The following STK32B variants were observed in gnomAD, a reference collection of about 807,000 sequenced individuals.
STK32B encodes serine/threonine-protein kinase 32B.
STK32B carries 43 observed loss-of-function variants against 52.6 expected under a neutral mutation model. The observed-to-expected ratio is 0.82, with a 90% CI of 0.64 to 1.05. The LOEUF is 1.05. Among genes scored for constraint, STK32B ranks in the 50% least tolerant of loss-of-function variants. STK32B has a pLI of 0.00. For missense variants in STK32B, 621 were observed against 534.6 expected (o/e 1.16, Z -1.59); for synonymous variants, 238 against 204.3 (o/e 1.17, Z -1.41).
chr4:5,444,846 T>G (rs1243258944), intron 6 of STK32B, among the ~76,000 whole-genome samples: 1 of 152,170 alleles, frequency 6.6e-6, no homozygotes. Context: ...CACTAACAGG[T>G]AACTCCAGCA....
At chr4:5,413,814 C>T (rs1227174994) in intron 5 of STK32B, among the ~76,000 whole-genome samples, 1 of 152,202 alleles carries the variant, frequency 6.6e-6, no homozygotes, top group Non-Finnish European at 1.5e-5. Flanking sequence ...TAACATTTCT[C>T]ACCATATAAC....
At chr4:5,070,532 C>G (rs1030315385) in intron 1 of STK32B, among the ~76,000 whole-genome samples, 1 of 149,774 alleles carries the variant, frequency 6.7e-6, no homozygotes, top group African/African-American at 2.4e-5. Context: ...CAAAATAAGA[C>G]GTGTAGAAGC....
At chr4:5,348,948 T>G (rs1217986232) in intron 4 of STK32B, among the ~76,000 whole-genome samples, 2 of 152,150 alleles carry the variant, frequency 1.3e-5, no homozygotes, top group African/African-American at 4.8e-5. Flanking sequence ...TCACAGCAGG[T>G]ACCCACCCAC....
intron 11 of STK32B, among the ~76,000 whole-genome samples, chr4:5,488,648 C>G (rs1719427796): frequency 6.6e-6 from 1 of 152,254 alleles, no homozygotes; most frequent in East Asian, 1.9e-4. Flanking sequence ...CTGCCTCCTC[C>G]TTAAATAACT....
At chr4:5,190,536 T>C (rs576599588) in intron 3 of STK32B, among the ~76,000 whole-genome samples, 2 of 152,296 alleles carry the variant, frequency 1.3e-5, no homozygotes, top group African/African-American at 4.8e-5. Context: ...AAGCACCTAC[T>C]ATGTACTGGG....
chr4:5,216,414 A>G (rs1723188220), intron 3 of STK32B, among the ~76,000 whole-genome samples: 1 of 152,208 alleles, frequency 6.6e-6, no homozygotes, highest in African/African-American at 2.4e-5. Flanking sequence ...ACATACAAGC[A>G]AAGAAGTGAA....
At chr4:5,324,576 C>G (rs980429224) in intron 3 of STK32B, among the ~76,000 whole-genome samples, 1 of 152,136 alleles carries the variant, frequency 6.6e-6, no homozygotes, top group Non-Finnish European at 1.5e-5. Flanking sequence ...TGGAGGCCGT[C>G]CTGTGCATTG....
intron 3 of STK32B, among the ~76,000 whole-genome samples, chr4:5,250,124 A>G (rs1241115655): frequency 6.6e-6 from 1 of 152,122 alleles, no homozygotes; most frequent in Non-Finnish European, 1.5e-5. Flanking sequence ...TCCATGGTGT[A>G]TATGTGCCAT....
chr4:5,294,797 T>G (rs1323670277), intron 3 of STK32B, among the ~76,000 whole-genome samples: 2 of 152,184 alleles, frequency 1.3e-5, no homozygotes, highest in African/African-American at 2.4e-5. Flanking sequence ...TGGCCAGAAC[T>G]TTTAATGCTG....
Position 5,296,803 on chromosome 4 carries a change from A to C in STK32B, c.261-34417A>C, listed in dbSNP as rs546607665. Among the ~76,000 whole-genome samples, 3 of 152,214 alleles carry C rather than the reference A, an allele frequency of 2.0e-5. No individual in the cohort carries two copies. The East Asian group carries it at 5.8e-4, about 29-fold the overall frequency. On this transcript the variant is annotated intron_variant, in intron 3 of 11. Transcript: ENST00000282908. Reference sequence around the variant, plus strand: ...TGTTACGTGTGAATTTGATCCTGTCATTATGATGCTAGCTGGTTATTTTGC... The same window carrying C: ...TGTTACGTGTGAATTTGATCCTGTCCTTATGATGCTAGCTGGTTATTTTGC...
At position 5,380,609 on chromosome 4, in the gene STK32B, G is replaced by A. The variant is rs766155307; in HGVS notation, c.435-17598G>A. ...AGCTGGGACTGAGTACCCATGACAC[G>A]CAGATGCCTTTACCAGGGTGGCTGG... On this transcript the variant is annotated intron_variant, in intron 4 of 11. Coordinates refer to ENST00000282908, the MANE Select transcript of STK32B (RefSeq NM_018401.3). The surrounding 1 kb of genome is among the most constrained non-coding windows in gnomAD (Gnocchi z 4.3). Among the ~76,000 whole-genome samples, 4 of 152,172 alleles carry A rather than the reference G, an allele frequency of 2.6e-5. No homozygotes were observed. Among genetic ancestry groups the A allele is most frequent in the South Asian group, 4.1e-4 (2 of 4,832 alleles).
intron 3 of STK32B, among the ~76,000 whole-genome samples, chr4:5,264,763 G>A (rs1726954725): frequency 6.6e-6 from 1 of 151,852 alleles, no homozygotes; most frequent in African/African-American, 2.4e-5. Context: ...CTCCAGCCTG[G>A]GCAACAGAGC....
At chr4:5,285,512 A>T (rs1160531824) in intron 3 of STK32B, among the ~76,000 whole-genome samples, 1 of 152,194 alleles carries the variant, frequency 6.6e-6, no homozygotes, top group Non-Finnish European at 1.5e-5. Flanking sequence ...CCAAGAAAAG[A>T]ATTATAGTAC....
intron 3 of STK32B, among the ~76,000 whole-genome samples, chr4:5,223,393 C>G (rs750327568): frequency 5.3e-5 from 8 of 152,142 alleles, no homozygotes; most frequent in Non-Finnish European, 1.0e-4. Flanking sequence ...CACTAGCACA[C>G]AATGGCAGCC....
chr4:5,322,838 C>T (rs1731606383), intron 3 of STK32B, among the ~76,000 whole-genome samples: 3 of 152,210 alleles, frequency 2.0e-5, no homozygotes, highest in South Asian at 2.1e-4. Context: ...AGATTTCCCC[C>T]AGCAACAGGC....
At chr4:5,232,750 G>C (rs1264769896) in intron 3 of STK32B, among the ~76,000 whole-genome samples, 3 of 152,174 alleles carry the variant, frequency 2.0e-5, no homozygotes, top group Non-Finnish European at 4.4e-5. Flanking sequence ...CTGGGTGCTG[G>C]ACAGCTCTCC....
the STK32B span, among the ~76,000 whole-genome samples, chr4:5,039,532 G>C: frequency 1.3e-5 from 2 of 152,166 alleles, no homozygotes; most frequent in Non-Finnish European, 2.9e-5. Context: ...CCTCCTGGGG[G>C]ACCTGCCTGA....
intron 3 of STK32B, among the ~76,000 whole-genome samples, chr4:5,274,817 C>G (rs1577278819): frequency 6.6e-6 from 1 of 152,078 alleles, no homozygotes; most frequent in African/African-American, 2.4e-5. Context: ...CTGTTTGCCG[C>G]GGTTGCAGAC....
chr4:5,378,579 C>G lies in STK32B; in HGVS notation c.435-19628C>G, dbSNP rs1735727790. On this transcript the variant is annotated intron_variant, in intron 4 of 11. Transcript: ENST00000282908. This position sits in a 1 kb window ranked among gnomAD's most constrained non-coding sequence, Gnocchi z 4.4. ...TGATAGGGTTTGTTATGCCCTTTGT[C>G]TTCTCCACTGGTTTGGAAGCCCTTT... Among the ~76,000 whole-genome samples, 1 of 151,668 alleles carries G rather than the reference C, an allele frequency of 6.6e-6. No homozygotes were observed. Among genetic ancestry groups the G allele is most frequent in the Non-Finnish European group, 1.5e-5 (1 of 67,966 alleles).
Sources: allele counts gnomAD v4.1 joint callset (sites outside exome capture counted in the v4.1 genomes callset), GRCh38; gene constraint gnomAD v4.1.1; non-coding constraint Gnocchi (gnomAD v3.1); transcripts MANE v1.5; gene names NCBI Gene and HGNC (gene_info 2026-07-23, HGNC 2026-07-21).